GASK1A: variants seen among roughly 807,000 people sequenced by gnomAD.
The protein encoded by GASK1A is Golgi-associated kinase 1A.
A neutral mutation model predicts 41.2 loss-of-function variants in GASK1A; 40 were observed. The observed-to-expected ratio is 0.97, with a 90% CI of 0.75 to 1.27. The LOEUF (loss-of-function observed/expected upper bound fraction) is 1.27, where lower values mean the gene tolerates loss of function less well. GASK1A is among the 50% of genes most tolerant of loss of function. The pLI is 0.00. For synonymous variants in GASK1A, 316 were observed against 307.1 expected, an observed-to-expected ratio of 1.03 and a Z score of -0.30; for missense variants, 678 against 745.1, an observed-to-expected ratio of 0.91 and a Z score of 1.05.
intron 2 of GASK1A, among the ~76,000 whole-genome samples, chr3:43,046,224 G>A (rs766183680): frequency 2.4e-4 from 37 of 152,184 alleles, no homozygotes; most frequent in African/African-American, 8.4e-4. Flanking sequence ...TTGTTGAATC[G>A]CTTTGAACAA....
chr3:42,991,131 G>A (rs923629346), intron 1 of GASK1A, among the ~76,000 whole-genome samples: 6 of 151,900 alleles, frequency 3.9e-5, no homozygotes, highest in Admixed American at 1.3e-4. Context: ...AGTCTCCTGG[G>A]GGCTTCTCTT....
At chr3:43,033,763 G>C (rs188056399) in intron 2 of GASK1A, among the ~76,000 whole-genome samples, 1 of 152,292 alleles carries the variant, frequency 6.6e-6, no homozygotes, top group Non-Finnish European at 1.5e-5. Context: ...AGAGCTGATG[G>C]CTATAATTTT....
In GASK1A at chr3:43,049,392, A is replaced by C. The variant is rs561745742; in HGVS notation, c.1291-4129A>C. Among the ~76,000 whole-genome samples, 4 of 152,306 alleles carry C rather than the reference A, an allele frequency of 2.6e-5. No individual in the cohort carries two copies. The East Asian group carries it at 7.7e-4, about 29-fold the overall frequency. On this transcript the variant is annotated intron_variant, in intron 2 of 4. Transcript: ENST00000430121. The stretch of plus-strand genomic sequence containing the variant: ...GGATATTCACCATAAAATTATTTCA[A>C]ATTTGCTGTTTGAAATTTTTTATAA...
intron 2 of GASK1A, among the ~76,000 whole-genome samples, chr3:43,045,805 A>G (rs530671452): frequency 3.3e-5 from 5 of 152,258 alleles, no homozygotes; most frequent in East Asian, 1.9e-4. Context: ...CCTCAATGCT[A>G]TTCTCGTGAT....
In GASK1A at chr3:43,033,272, G is replaced by A. The variant is rs778508385; in HGVS notation, c.1009G>A (p.Val337Met). The change falls in exon 2 of 5, where the codon GTG becomes ATG. Residue 337 changes from valine (V) to methionine (M), a missense_variant. Val to Met is a conservative substitution (Grantham distance 21, BLOSUM62 1). Coordinates refer to ENST00000430121, the MANE Select transcript of GASK1A (RefSeq NM_001129908.3). ...GGTCCTGTCCTTCCACGTAGATCGT[G>A]TGCTGGGGCTGCGCCGGAGCCTACC... Reference protein sequence around the residue: ...PEVLSFHVDRVLGLRRSLPAV... With the variant: ...PEVLSFHVDRMLGLRRSLPAV... 6.4e-5 allele frequency: 99 copies of A among 1,551,552 alleles called. 1 individual carries two copies. The highest frequency in any genetic ancestry group is 2.0e-4 in the Admixed American group (10 of 50,992).
intron 1 of GASK1A, among the ~76,000 whole-genome samples, chr3:43,008,472 G>T (rs1479250227): frequency 6.6e-6 from 1 of 152,228 alleles, no homozygotes; most frequent in Admixed American, 6.5e-5. Flanking sequence ...CATCCCCACT[G>T]CAAGGCCTCT....
intron 1 of GASK1A, among the ~76,000 whole-genome samples, chr3:42,998,527 A>G (rs2089388966): frequency 6.6e-6 from 1 of 152,184 alleles, no homozygotes; most frequent in South Asian, 2.1e-4. Flanking sequence ...ACATTAACTC[A>G]TTAAACACTC....
intron 1 of GASK1A, among the ~76,000 whole-genome samples, chr3:42,995,620 G>A (rs945262356): frequency 2.0e-5 from 3 of 152,108 alleles, no homozygotes; most frequent in Admixed American, 2.0e-4. Flanking sequence ...TGGATGTCCG[G>A]TGAAGAGCGA....
In GASK1A at chr3:43,033,127, G is replaced by A. The variant is rs1460396819; in HGVS notation, c.864G>A (p.Gln288=). The stretch of plus-strand genomic sequence containing the variant: ...AAGCCAGGGTCCCCGCCCATGGGCA[G>A]GTGCTACAGGTTGGCTTCTCCACTG... ...VDKARVPAHG[Q]VLQVGFSTEA... The change falls in exon 2 of 5, where the codon CAG becomes CAA. Residue 288 remains glutamine (Q), a synonymous_variant. Transcript: ENST00000430121. The A allele has an allele frequency of 4.5e-6, 7 of 1,550,888 alleles. No homozygotes were observed. Among genetic ancestry groups the A allele is most frequent in the Non-Finnish European group, 6.1e-6 (7 of 1,146,512 alleles).
At chr3:42,992,187 C>T (rs1365801755) in intron 1 of GASK1A, among the ~76,000 whole-genome samples, 2 of 152,126 alleles carry the variant, frequency 1.3e-5, no homozygotes, top group East Asian at 3.9e-4. Context: ...ACACTCACTT[C>T]CCTCCCTGGC....
At chr3:43,055,999 C>G in intron 4 of GASK1A, 177 bp from the exon 5 acceptor site, 1 of 598,246 alleles carries the variant, frequency 1.7e-6, no homozygotes, top group Non-Finnish European at 3.0e-6. Flanking sequence ...CAAAGCCAGG[C>G]AAAGGGTCCT....
At chr3:43,048,160 T>G (rs1024585691) in intron 2 of GASK1A, among the ~76,000 whole-genome samples, 1 of 152,188 alleles carries the variant, frequency 6.6e-6, no homozygotes, top group African/African-American at 2.4e-5. Context: ...TGGACACATA[T>G]GAGACAGAGA....
At chr3:42,992,447 G>T (rs780443210) in intron 1 of GASK1A, among the ~76,000 whole-genome samples, 4 of 152,348 alleles carry the variant, frequency 2.6e-5, no homozygotes, top group Admixed American at 6.5e-5. Flanking sequence ...CATAGTCAGT[G>T]CTCAGTTAAT....
At chr3:43,043,779 A>ATCATTTTTTCTTGGTATCTCT (rs1314807853) in intron 2 of GASK1A, among the ~76,000 whole-genome samples, 4 of 152,270 alleles carry the variant, frequency 2.6e-5, no homozygotes, top group African/African-American at 9.6e-5. Flanking sequence ...CTAAAGGATT[A>ATCATTTTTTCTTGGTATCTCT]TCATTTTTTC....
rs375698128 is a variant in GASK1A, at chr3:42,979,614, G to C, written c.-29G>C. On this transcript the variant is annotated 5_prime_UTR_variant, in exon 1 of 5. Coordinates refer to ENST00000430121, the MANE Select transcript of GASK1A (RefSeq NM_001129908.3). ...AGTCTGCGAGCCGGCTGAGCGCGCCGAGGAGCCGGCCGGGGCACCGCCGGG... is the reference window on the plus strand; with the variant it reads ...AGTCTGCGAGCCGGCTGAGCGCGCCCAGGAGCCGGCCGGGGCACCGCCGGG... The C allele has an allele frequency of 1.6e-6, 2 of 1,242,566 alleles. No individual in the cohort carries two copies. Among genetic ancestry groups the C allele is most frequent in the South Asian group, 8.2e-5 (2 of 24,354 alleles). The allele number at this position is 1,242,566 out of a possible 1,614,324, so 77.0% of individuals were successfully genotyped here.
At chr3:43,052,596 C>T (rs760718583) in intron 2 of GASK1A, among the ~76,000 whole-genome samples, 4 of 152,192 alleles carry the variant, frequency 2.6e-5, no homozygotes, top group African/African-American at 4.8e-5. Context: ...ACTGCTCAGC[C>T]GCCCTCGCTT....
chr3:43,017,976 G>A (rs2089502598), intron 1 of GASK1A, among the ~76,000 whole-genome samples: 1 of 152,184 alleles, frequency 6.6e-6, no homozygotes, highest in Non-Finnish European at 1.5e-5. Flanking sequence ...CACAGGAAGG[G>A]CTGTGTGAAG....
chr3:42,991,650 G>A (rs1486856857), intron 1 of GASK1A, among the ~76,000 whole-genome samples: 1 of 152,206 alleles, frequency 6.6e-6, no homozygotes, highest in African/African-American at 2.4e-5. Flanking sequence ...ATGCTGCCTG[G>A]GTGCCTGGGC....
intron 1 of GASK1A, among the ~76,000 whole-genome samples, chr3:43,011,407 G>T: frequency 6.6e-6 from 1 of 151,198 alleles, no homozygotes; most frequent in African/African-American, 2.4e-5. Flanking sequence ...AAAATGGTTA[G>T]GAGATCACAA....
Sources: allele counts gnomAD v4.1 joint callset (sites outside exome capture counted in the v4.1 genomes callset), GRCh38; gene constraint gnomAD v4.1.1; transcripts MANE v1.5; gene names NCBI Gene and HGNC (gene_info 2026-07-23, HGNC 2026-07-21).